Variants in LNX1 observed in about 807,000 individuals in gnomAD.
The protein encoded by LNX1 is ligand of numb-protein X 1.
LNX1 carries 54 observed loss-of-function variants against 68.4 expected under a neutral mutation model. The observed-to-expected ratio is 0.79, with a 90% CI of 0.63 to 0.99. The LOEUF is 0.99. LNX1 is among the 50% of genes least tolerant of loss of function. LNX1 has a pLI of 0.00. For synonymous variants in LNX1, 336 were observed against 350.0 expected, an observed-to-expected ratio of 0.96 and a Z score of 0.45; for missense variants, 906 against 926.4, an observed-to-expected ratio of 0.98 and a Z score of 0.29.
chr4:53,576,064 A>C, intron 1 of LNX1: 1 of 1,558,538 alleles, frequency 6.4e-7, no homozygotes, highest in Non-Finnish European at 8.7e-7. Context: ...GGAACTCTGC[A>C]TCCCCCAAGA....
In LNX1 at chr4:53,541,928, G is replaced by A. The variant is rs139659308; in HGVS notation, c.380+31695C>T. 2.9e-3 allele frequency among the ~76,000 whole-genome samples: 435 copies of A among 152,304 alleles called. 3 individuals carry two copies. Among genetic ancestry groups the A allele is most frequent in the Middle Eastern group, 6.8e-3 (2 of 294 alleles). The stretch of plus-strand genomic sequence containing the variant: ...AAGCTTGGACAAAAAATAGGTGAAG[G>A]AATATTTGGCAAACATGAGCATGCA... On this transcript the variant is annotated intron_variant, in intron 2 of 10. Coordinates refer to ENST00000263925, the MANE Select transcript of LNX1 (RefSeq NM_001126328.3).
At chr4:53,518,683 C>G (rs1284582717) in intron 2 of LNX1, among the ~76,000 whole-genome samples, 1 of 152,128 alleles carries the variant, frequency 6.6e-6, no homozygotes, top group African/African-American at 2.4e-5. Context: ...AAAAGTCACA[C>G]AGCTGGTAAG....
At chr4:53,503,628 G>C (rs911293056) in intron 4 of LNX1, among the ~76,000 whole-genome samples, 3 of 152,186 alleles carry the variant, frequency 2.0e-5, no homozygotes, top group African/African-American at 4.8e-5. Flanking sequence ...AGAAAGCACA[G>C]GCAGAGTAGA....
chr4:53,630,199 C>T (rs781387422), intron 1 of LNX1, among the ~76,000 whole-genome samples: 7 of 152,092 alleles, frequency 4.6e-5, no homozygotes, highest in Non-Finnish European at 1.0e-4. Context: ...TTCAAATTAA[C>T]AGCAAGTCAT....
intron 1 of LNX1, among the ~76,000 whole-genome samples, chr4:53,580,182 C>G (rs972763124): frequency 3.3e-5 from 5 of 152,182 alleles, no homozygotes; most frequent in African/African-American, 1.2e-4. Context: ...ACATAATGAG[C>G]AAAATTTTCC....
chr4:53,624,689 A>G (rs1432295640), intron 1 of LNX1, among the ~76,000 whole-genome samples: 1 of 152,118 alleles, frequency 6.6e-6, no homozygotes. Context: ...TACAACCACC[A>G]AACCCAAGGC....
intron 1 of LNX1, among the ~76,000 whole-genome samples, chr4:53,635,120 G>A (rs1304565634): frequency 6.6e-6 from 1 of 152,138 alleles, no homozygotes; most frequent in Non-Finnish European, 1.5e-5. Flanking sequence ...ATGAGCCATG[G>A]TGCCCAGCCC....
chr4:53,525,846 C>A (rs1210655185), intron 2 of LNX1, among the ~76,000 whole-genome samples: 4 of 152,126 alleles, frequency 2.6e-5, no homozygotes, highest in Non-Finnish European at 5.9e-5. Context: ...TGTGGGGAGG[C>A]ACTGGCAAGC....
intron 9 of LNX1, among the ~76,000 whole-genome samples, chr4:53,473,882 T>G (rs1723396502): frequency 6.6e-6 from 1 of 152,046 alleles, no homozygotes; most frequent in African/African-American, 2.4e-5. Flanking sequence ...ATATGAAATA[T>G]AAAATATATC....
At chr4:53,610,544 A>G (rs1196904237) in intron 2 of LNX1, among the ~76,000 whole-genome samples, 3 of 151,882 alleles carry the variant, frequency 2.0e-5, no homozygotes, top group Non-Finnish European at 4.4e-5. Context: ...TGTCTCTACT[A>G]AAAATACAAA....
intron 2 of LNX1, among the ~76,000 whole-genome samples, chr4:53,566,500 G>C (rs1326216183): frequency 1.3e-5 from 2 of 150,062 alleles, no homozygotes; most frequent in South Asian, 2.1e-4. Flanking sequence ...TGAAGGAAGC[G>C]CTAAACATGG....
At chr4:53,556,345 C>T (rs1729911833) in intron 2 of LNX1, among the ~76,000 whole-genome samples, 1 of 152,188 alleles carries the variant, frequency 6.6e-6, no homozygotes, top group Non-Finnish European at 1.5e-5. Flanking sequence ...CATGACCTTG[C>T]TGACACCTTG....
At chr4:53,616,734 T>C (rs1733695821) in intron 1 of LNX1, 1 of 152,224 alleles carries the variant, frequency 6.6e-6, no homozygotes, top group Non-Finnish European at 1.5e-5. Context: ...TTCACTTTAA[T>C]TAATTGGTTA....
At chr4:53,465,892 TACTA>T (rs1314366655) in intron 9 of LNX1, among the ~76,000 whole-genome samples, 1 of 152,246 alleles carries the variant, frequency 6.6e-6, no homozygotes, top group African/African-American at 2.4e-5. Flanking sequence ...TTTTTAATCT[TACTA>T]ACTTAAAATG....
chr4:53,506,095 C>T (rs1269230931), intron 4 of LNX1, among the ~76,000 whole-genome samples: 1 of 152,158 alleles, frequency 6.6e-6, no homozygotes, highest in Non-Finnish European at 1.5e-5. Flanking sequence ...CCTCCCAACT[C>T]CCAAGAGTAG....
At chr4:53,593,064 G>A (rs1732586903), upstream of LNX1, 1 of 152,176 alleles carries the variant, frequency 6.6e-6, no homozygotes, top group Admixed American at 6.5e-5. Context: ...TTATCCAATA[G>A]AAACTAAGGT....
At chr4:53,513,173 A>G (rs1386159068) in intron 2 of LNX1, among the ~76,000 whole-genome samples, 1 of 151,998 alleles carries the variant, frequency 6.6e-6, no homozygotes, top group Non-Finnish European at 1.5e-5. Context: ...CCTGATCCAT[A>G]TTATCGATCA....
At chr4:53,530,789 G>A (rs1466311451) in intron 2 of LNX1, among the ~76,000 whole-genome samples, 6 of 152,164 alleles carry the variant, frequency 3.9e-5, no homozygotes, top group Non-Finnish European at 7.3e-5. Context: ...TTTTGTTTAA[G>A]TATTTCAGGG....
chr4:53,576,386 G>C, intron 1 of LNX1: 3 of 1,570,904 alleles, frequency 1.9e-6, no homozygotes, highest in Non-Finnish European at 2.6e-6. Flanking sequence ...CTGCAGGACT[G>C]ACCCCTCACA....
Sources: allele counts gnomAD v4.1 joint callset (sites outside exome capture counted in the v4.1 genomes callset), GRCh38; gene constraint gnomAD v4.1.1; transcripts MANE v1.5; gene names NCBI Gene and HGNC (gene_info 2026-07-23, HGNC 2026-07-21).